Variants in PCLO observed in about 807,000 individuals in gnomAD.
PCLO encodes piccolo presynaptic cytomatrix protein, also known as protein piccolo.
In PCLO, 82 loss-of-function variants were observed where a neutral mutation model predicts 427.5. The ratio of observed to expected loss-of-function variants is 0.19; its 90% confidence interval spans 0.16 to 0.23. The LOEUF (loss-of-function observed/expected upper bound fraction) is 0.23. Ranked by LOEUF, PCLO falls within the 10% of genes least tolerant of loss-of-function variation. PCLO has a pLI of 1.00. For missense variants in PCLO, 6,239 were observed against 6,115.9 expected (o/e 1.02, Z -0.67); for synonymous variants, 2,357 against 2,155.4 (o/e 1.09, Z -2.59).
chr7:82,978,168 A>C (rs1243815240), intron 3 of PCLO, among the ~76,000 whole-genome samples: 1 of 144,492 alleles, frequency 6.9e-6, no homozygotes, highest in African/African-American at 2.5e-5. Context: ...AGAGACCCCC[A>C]CCCCCCCGGC....
chr7:82,805,943 AG>A, intron 20 of PCLO, 114 bp from the exon 21 acceptor site: 1 of 1,013,756 alleles, frequency 9.9e-7, no homozygotes, highest in Non-Finnish European at 1.4e-6. Context: ...CAGCTACTGA[AG>A]AACTCTACAT....
intron 22 of PCLO, among the ~76,000 whole-genome samples, chr7:82,786,836 C>T (rs994346401): frequency 1.2e-4 from 19 of 152,134 alleles, no homozygotes; most frequent in Middle Eastern, 6.8e-3. Flanking sequence ...TGAGAACATA[C>T]GGTGTTTGGT....
intron 10 of PCLO, among the ~76,000 whole-genome samples, chr7:82,866,894 T>C (rs1000346444): frequency 4.6e-5 from 7 of 152,146 alleles, no homozygotes; most frequent in Non-Finnish European, 8.8e-5. Context: ...CAGGAGCTTA[T>C]AGTCTGCTCT....
At chr7:83,139,316 T>C (rs1338584079) in intron 2 of PCLO, among the ~76,000 whole-genome samples, 1 of 152,230 alleles carries the variant, frequency 6.6e-6, no homozygotes, top group Non-Finnish European at 1.5e-5. Context: ...TTTTTTCTTC[T>C]GAAAAATTTC....
At chr7:82,961,614 C>T (rs1795658164) in intron 4 of PCLO, among the ~76,000 whole-genome samples, 1 of 152,158 alleles carries the variant, frequency 6.6e-6, no homozygotes, top group East Asian at 1.9e-4. Flanking sequence ...ATCCAAAATA[C>T]AGGATAAATT....
Position 83,134,351 on chromosome 7 carries a change from T to C in PCLO, c.3199A>G (p.Asn1067Asp), listed in dbSNP as rs1791657392. 5.0e-6 allele frequency: 8 copies of C among 1,613,032 alleles called. No homozygotes were observed. The highest frequency in any genetic ancestry group is 5.1e-6 in the Non-Finnish European group (6 of 1,179,510). ...STCPLCKTEL[N>D]IGSKDPPNFN... ...TTAGGAGGATCCTTAGAACCTATGT[T>C]GAGTTCAGTTTTGCAGAGAGGACAG... is the stretch of plus-strand genomic sequence containing the variant. Residue 1067 changes from asparagine to aspartate, a missense_variant, in exon 3 of 25, where the codon AAC becomes GAC. Asn to Asp is a conservative substitution (Grantham distance 23). Coordinates refer to ENST00000333891, the MANE Select transcript of PCLO (RefSeq NM_033026.6).
chr7:83,161,153 T>C (rs777824243), intron 1 of PCLO, among the ~76,000 whole-genome samples: 8 of 152,226 alleles, frequency 5.3e-5, no homozygotes, highest in African/African-American at 1.4e-4. Flanking sequence ...TGTGAAAATA[T>C]TGTCACTATC....
chr7:83,083,523 G>A (rs896261297), intron 3 of PCLO, among the ~76,000 whole-genome samples: 6 of 151,838 alleles, frequency 4.0e-5, no homozygotes, highest in African/African-American at 1.5e-4. Context: ...AATTAATCTA[G>A]ACAATCTGTT....
At chr7:83,067,832 C>A (rs556391650) in intron 3 of PCLO, among the ~76,000 whole-genome samples, 1 of 143,788 alleles carries the variant, frequency 7.0e-6, no homozygotes, top group Admixed American at 7.1e-5. Context: ...ATTGATACAA[C>A]AAATCCCTCC....
chr7:82,782,399 A>G (rs1470016703), intron 22 of PCLO, among the ~76,000 whole-genome samples: 9 of 152,212 alleles, frequency 5.9e-5, no homozygotes. Flanking sequence ...ATGCTCAGTT[A>G]CAGCATGCAA....
At chr7:83,109,517 G>A (rs1790949257) in intron 3 of PCLO, among the ~76,000 whole-genome samples, 1 of 152,122 alleles carries the variant, frequency 6.6e-6, no homozygotes, top group African/African-American at 2.4e-5. Context: ...CTTTCCAGCT[G>A]TCTGGCTTCA....
At chr7:82,962,810 T>C (rs1221081403) in intron 4 of PCLO, among the ~76,000 whole-genome samples, 3 of 152,000 alleles carry the variant, frequency 2.0e-5, no homozygotes, top group African/African-American at 7.2e-5. Context: ...TAAGCCAGAA[T>C]TAGACAGACT....
In PCLO at chr7:83,162,331, C is replaced by A. The variant is rs370635756; in HGVS notation, c.248+14G>T. 6.3e-7 allele frequency: 1 copy of A among 1,590,606 alleles called. No individual in the cohort carries two copies. The highest frequency in any genetic ancestry group is 8.6e-7 in the Non-Finnish European group (1 of 1,169,356). On this transcript the variant is annotated intron_variant, in intron 1 of 24. Transcript: ENST00000333891. ...TACATATATGCCCGGACATATACAT[C>A]ATGCTGTGCATGCCTGTGCATGGAA... is the stretch of plus-strand genomic sequence containing the variant.
intron 3 of PCLO, among the ~76,000 whole-genome samples, chr7:83,086,496 AAC>A (rs1490580032): frequency 6.9e-6 from 1 of 145,560 alleles, no homozygotes; most frequent in Non-Finnish European, 1.5e-5. Flanking sequence ...GGAAAAAAAA[AAC>A]ATTTCCTAAG....
At chr7:83,084,755 T>C (rs1790187993) in intron 3 of PCLO, among the ~76,000 whole-genome samples, 1 of 152,174 alleles carries the variant, frequency 6.6e-6, no homozygotes, top group Admixed American at 6.6e-5. Flanking sequence ...TTTGTACACA[T>C]CTTCTTCTTG....
At chr7:82,972,810 T>C (rs1043766106) in intron 3 of PCLO, among the ~76,000 whole-genome samples, 1 of 152,122 alleles carries the variant, frequency 6.6e-6, no homozygotes, top group African/African-American at 2.4e-5. Context: ...TATTTGCTTA[T>C]CATTTGGGGT....
chr7:82,928,667 G>A (rs555279043), intron 6 of PCLO, among the ~76,000 whole-genome samples: 6 of 152,240 alleles, frequency 3.9e-5, no homozygotes, highest in African/African-American at 9.6e-5. Context: ...GAGCCACCGC[G>A]CCTGGCCTGA....
At chr7:83,094,114 C>T (rs1195162530) in intron 3 of PCLO, among the ~76,000 whole-genome samples, 2 of 151,706 alleles carry the variant, frequency 1.3e-5, no homozygotes, top group East Asian at 1.9e-4. Flanking sequence ...TTCGGCCACC[C>T]CTAATTTATT....
At chr7:83,130,650 A>C (rs1791547987) in intron 3 of PCLO, among the ~76,000 whole-genome samples, 1 of 152,186 alleles carries the variant, frequency 6.6e-6, no homozygotes, top group Non-Finnish European at 1.5e-5. Context: ...TGGCCATTAA[A>C]GTAAAAGGAA....
Sources: gnomAD v4.1 joint callset for allele counts (sites outside exome capture counted in the v4.1 genomes callset) on GRCh38, gnomAD v4.1.1 for gene constraint, MANE v1.5 for transcripts, NCBI Gene and HGNC (gene_info 2026-07-23, HGNC 2026-07-21) for gene names.